ZRANB3: variants seen among roughly 807,000 people sequenced by gnomAD.
ZRANB3 encodes zinc finger RANBP2-type containing 3.
ZRANB3 carries 125 observed loss-of-function variants against 133.8 expected under a neutral mutation model. The ratio of observed to expected loss-of-function variants is 0.93; its 90% CI spans 0.81 to 1.08. The LOEUF is 1.08. Ranked by LOEUF, ZRANB3 falls within the 50% of genes least tolerant of loss-of-function variation. The pLI, the probability that ZRANB3 is intolerant of heterozygous loss-of-function variation, is 0.00. For synonymous variants in ZRANB3, 387 were observed against 432.7 expected (o/e 0.89, Z 1.31); for missense variants, 1,229 against 1,275.5 (o/e 0.96, Z 0.56).
intron 2 of ZRANB3, among the ~76,000 whole-genome samples, chr2:135,468,204 C>G (rs1691084100): frequency 6.6e-6 from 1 of 152,122 alleles, no homozygotes; most frequent in Non-Finnish European, 1.5e-5. Flanking sequence ...ACTTAAAAAG[C>G]AAGAAGAAAC....
intron 12 of ZRANB3, among the ~76,000 whole-genome samples, chr2:135,248,012 C>A (rs1695881183): frequency 6.6e-6 from 1 of 152,152 alleles, no homozygotes; most frequent in Non-Finnish European, 1.5e-5. Context: ...GCCTTTGGAC[C>A]AGCAACAGGC....
intron 1 of ZRANB3, among the ~76,000 whole-genome samples, chr2:135,508,570 G>A (rs1438237415): frequency 1.3e-5 from 2 of 151,984 alleles, no homozygotes; most frequent in African/African-American, 4.8e-5. Flanking sequence ...AAAATGTACA[G>A]AAAAAAATTT....
intron 3 of ZRANB3, among the ~76,000 whole-genome samples, chr2:135,381,369 G>A (rs1319487276): frequency 6.6e-6 from 1 of 152,310 alleles, no homozygotes; most frequent in East Asian, 1.9e-4. Flanking sequence ...GAACAGGGCG[G>A]AGCCCACGGC....
chr2:135,416,052 C>T (rs1170266110), intron 2 of ZRANB3, among the ~76,000 whole-genome samples: 5 of 152,018 alleles, frequency 3.3e-5, no homozygotes, highest in Admixed American at 2.0e-4. Context: ...TGGCACAAGA[C>T]AGGGATGCCC....
intron 1 of ZRANB3, chr2:135,511,078 C>A (rs1017562852): frequency 3.9e-6 from 3 of 769,878 alleles, no homozygotes; most frequent in Non-Finnish European, 4.8e-6. Flanking sequence ...ATCTGAGATT[C>A]AGGCTTAGAC....
intron 8 of ZRANB3, among the ~76,000 whole-genome samples, chr2:135,297,426 A>G (rs1056619041): frequency 1.3e-5 from 2 of 152,108 alleles, no homozygotes; most frequent in Non-Finnish European, 2.9e-5. Flanking sequence ...CCCATTGGAA[A>G]AGCGCAGTAT....
chr2:135,408,471 C>G (rs1688147845), intron 2 of ZRANB3, among the ~76,000 whole-genome samples: 1 of 149,506 alleles, frequency 6.7e-6, no homozygotes, highest in Non-Finnish European at 1.5e-5. Context: ...CATCCCATTA[C>G]TGGGTATATA....
At chr2:135,495,200 C>T (rs1461904125) in intron 2 of ZRANB3, among the ~76,000 whole-genome samples, 1 of 151,894 alleles carries the variant, frequency 6.6e-6, no homozygotes, top group Non-Finnish European at 1.5e-5. Flanking sequence ...TGCACTCCAG[C>T]CTACGTGACA....
chr2:135,510,947 T>C (rs1235100962), intron 1 of ZRANB3: 1 of 834,106 alleles, frequency 1.2e-6, no homozygotes, highest in African/African-American at 1.7e-5. Context: ...GTCTCACCAC[T>C]CTTTGGGGTT....
chr2:135,263,922 T>C (rs1041049507), intron 12 of ZRANB3, among the ~76,000 whole-genome samples: 1 of 151,564 alleles, frequency 6.6e-6, no homozygotes, highest in Non-Finnish European at 1.5e-5. Flanking sequence ...ATTACAGGCA[T>C]GTGCCATGAC....
intron 2 of ZRANB3, among the ~76,000 whole-genome samples, chr2:135,475,481 A>G (rs779252006): frequency 5.3e-5 from 8 of 152,174 alleles, no homozygotes; most frequent in Non-Finnish European, 1.0e-4. Flanking sequence ...GTCATGCTCA[A>G]TTTCATAGAG....
intron 3 of ZRANB3, among the ~76,000 whole-genome samples, chr2:135,389,027 G>A (rs1241032001): frequency 6.6e-6 from 1 of 152,134 alleles, no homozygotes; most frequent in Non-Finnish European, 1.5e-5. Context: ...GCAGTGAGTC[G>A]AGATCGTGCC....
chr2:135,485,185 AAACATAACATAACAT>A (rs1223723608), intron 2 of ZRANB3, among the ~76,000 whole-genome samples: 2 of 121,704 alleles, frequency 1.6e-5, no homozygotes, highest in Admixed American at 8.1e-5. Context: ...AAACAAAACA[AAACATAACATAACAT>A]AACATAACAT....
chr2:135,423,333 C>T (rs1688941212), intron 2 of ZRANB3, among the ~76,000 whole-genome samples: 1 of 152,112 alleles, frequency 6.6e-6, no homozygotes, highest in Non-Finnish European at 1.5e-5. Flanking sequence ...ACTAGGGAGG[C>T]TAACACAGGA....
intron 2 of ZRANB3, among the ~76,000 whole-genome samples, chr2:135,404,041 G>A (rs573375822): frequency 6.6e-6 from 1 of 152,302 alleles, no homozygotes; most frequent in African/African-American, 2.4e-5. Flanking sequence ...AACAATCAGA[G>A]CGCCTCTCCT....
chr2:135,342,105 C>T (rs976280698), intron 6 of ZRANB3, among the ~76,000 whole-genome samples: 9 of 149,954 alleles, frequency 6.0e-5, no homozygotes, highest in Non-Finnish European at 1.2e-4. Context: ...GCTGGTTTTA[C>T]GGCTCAGGGG....
intron 20 of ZRANB3, 95 bp from the exon 21 acceptor site, chr2:135,200,535 A>G: frequency 2.0e-6 from 2 of 988,412 alleles, no homozygotes; most frequent in Non-Finnish European, 3.0e-6. Flanking sequence ...TGGAAAATCT[A>G]CAGTCACTAC....
intron 19 of ZRANB3, among the ~76,000 whole-genome samples, chr2:135,205,574 A>G (rs1170282100): frequency 1.3e-5 from 2 of 151,900 alleles, no homozygotes; most frequent in Admixed American, 1.3e-4. Context: ...CAGGCTGGTA[A>G]CTCTTGGCTC....
chr2:135,465,816 T>G (rs558110362), intron 2 of ZRANB3, among the ~76,000 whole-genome samples: 101 of 151,906 alleles, frequency 6.6e-4, no homozygotes, highest in Non-Finnish European at 7.2e-4. Context: ...TTAAACAAAT[T>G]TACAAGAAAA....
Sources: gnomAD v4.1 joint callset for allele counts (sites outside exome capture counted in the v4.1 genomes callset) on GRCh38, gnomAD v4.1.1 for gene constraint, MANE v1.5 for transcripts, NCBI Gene and HGNC (gene_info 2026-07-23, HGNC 2026-07-21) for gene names.